Variants in DCDC1 observed in about 807,000 individuals in gnomAD.
DCDC1 encodes doublecortin domain-containing protein 1.
In DCDC1, 200 loss-of-function variants were observed where a neutral mutation model predicts 178.3. The observed-to-expected ratio is 1.12, with a 90% CI of 1.00 to 1.26. DCDC1 has a LOEUF of 1.26. DCDC1 is among the 50% of genes most tolerant of loss of function. DCDC1 has a pLI of 0.00. For synonymous variants in DCDC1, 690 were observed against 604.8 expected (o/e 1.14, Z -2.07); for missense variants, 1,983 against 1,749.2 (o/e 1.13, Z -2.38).
chr11:30,944,511 G>A (rs1410220241), intron 21 of DCDC1, among the ~76,000 whole-genome samples: 1 of 152,030 alleles, frequency 6.6e-6, no homozygotes, highest in Admixed American at 6.6e-5. Flanking sequence ...ACCAAAATAT[G>A]AATTGCATTT....
intron 12 of DCDC1, among the ~76,000 whole-genome samples, chr11:31,109,942 C>T (rs966289799): frequency 3.9e-5 from 6 of 152,114 alleles, no homozygotes; most frequent in African/African-American, 1.4e-4. Context: ...CAGGGCATAC[C>T]CTCCACTGAA....
At chr11:30,900,782 GAAAAAATAGAGATAAAAAAATC>G (rs1374273563) in intron 32 of DCDC1, among the ~76,000 whole-genome samples, 44 of 152,006 alleles carry the variant, frequency 2.9e-4, no homozygotes, top group African/African-American at 1.0e-3. Flanking sequence ...CTCTGAAATG[GAAAAAATAGAGATAAAAAAATC>G]AAGCACAGGG....
intron 8 of DCDC1, among the ~76,000 whole-genome samples, chr11:31,248,624 C>A (rs184669535): frequency 4.7e-4 from 72 of 152,108 alleles, no homozygotes; most frequent in Non-Finnish European, 9.1e-4. Context: ...ATATTACTTA[C>A]ATGTTAATGA....
chr11:30,903,759 C>A, intron 31 of DCDC1, 76 bp from the exon 32 acceptor site: 2 of 1,191,698 alleles, frequency 1.7e-6, no homozygotes, highest in Admixed American at 3.7e-5. Context: ...GCTTGTCATT[C>A]TAAAAATCTG....
chr11:31,224,763 C>T (rs577360101), intron 9 of DCDC1, among the ~76,000 whole-genome samples: 2 of 152,148 alleles, frequency 1.3e-5, no homozygotes, highest in South Asian at 4.1e-4. Flanking sequence ...AGAAAATGCT[C>T]AACATCAGTA....
chr11:31,058,178 C>T (rs1250527209), intron 20 of DCDC1, among the ~76,000 whole-genome samples: 2 of 152,110 alleles, frequency 1.3e-5, no homozygotes, highest in East Asian at 1.9e-4. Context: ...GATTGACACA[C>T]GAGTAGATCA....
chr11:31,101,530 G>T (rs1263911425), intron 15 of DCDC1, among the ~76,000 whole-genome samples: 1 of 152,102 alleles, frequency 6.6e-6, no homozygotes, highest in Non-Finnish European at 1.5e-5. Context: ...TATAGAGATA[G>T]CAGCCATCTT....
chr11:31,271,208 C>G (rs931542781), intron 7 of DCDC1, among the ~76,000 whole-genome samples: 3 of 152,194 alleles, frequency 2.0e-5, no homozygotes, highest in Non-Finnish European at 2.9e-5. Flanking sequence ...CTTATTTCTA[C>G]AGCCATCCAC....
At chr11:31,346,728 A>G (rs1950836453) in intron 1 of DCDC1, among the ~76,000 whole-genome samples, 1 of 152,170 alleles carries the variant, frequency 6.6e-6, no homozygotes, top group African/African-American at 2.4e-5. Context: ...GTACAATATG[A>G]TTGGAGTTTG....
chr11:30,947,889 A>G (rs1590488470), intron 21 of DCDC1, among the ~76,000 whole-genome samples: 2 of 152,140 alleles, frequency 1.3e-5, no homozygotes, highest in African/African-American at 4.8e-5. Context: ...AAATAACCTA[A>G]CAAAAAAAGT....
At chr11:31,177,595 G>A (rs542417796) in intron 9 of DCDC1, among the ~76,000 whole-genome samples, 10 of 152,112 alleles carry the variant, frequency 6.6e-5, no homozygotes, top group African/African-American at 2.4e-4. Flanking sequence ...ATTGAGTAAA[G>A]AAACAAGATT....
chr11:31,138,818 G>A (rs1963474226), intron 9 of DCDC1, among the ~76,000 whole-genome samples: 1 of 152,098 alleles, frequency 6.6e-6, no homozygotes, highest in African/African-American at 2.4e-5. Flanking sequence ...ATGACCTCTT[G>A]AATCTAGATG....
At chr11:30,944,448 AAT>A (rs1342417770) in intron 21 of DCDC1, 2 of 385,942 alleles carry the variant, frequency 5.2e-6, no homozygotes, top group Non-Finnish European at 1.0e-5. Context: ...TGAATGCCAC[AAT>A]ATGAGTGTCA....
rs764410332 is a variant in DCDC1 at position 31,065,055 on chromosome 11, T to A, written c.2397A>T (p.Thr799=). 5.2e-6 allele frequency: 4 copies of A among 765,060 alleles called. No individual in the cohort carries two copies. Among genetic ancestry groups the A allele is most frequent in the Non-Finnish European group, 9.6e-6 (4 of 417,338 alleles). 47.4% of individuals were successfully genotyped at this position (765,060 alleles called of 1,614,324 possible). ...AGTTTCTGCCATGTTCCTGATGAGC[T>A]GTGGTCCAGGCACCATGGTGAATGT... ...EYHIHHGAWT[T]AHQEHGRNLA... is the part of the protein sequence containing the mutation. The change falls in exon 19 of 39, where the codon ACA becomes ACT. Residue 799 remains threonine, a synonymous_variant. Transcript: ENST00000684477.
intron 6 of DCDC1, among the ~76,000 whole-genome samples, chr11:31,294,760 TAGAAAGAGAA>T (rs201651255): frequency 3.9e-4 from 30 of 76,434 alleles, no homozygotes; most frequent in East Asian, 3.5e-3. Flanking sequence ...AAGAAAGAAA[TAGAAAGAGAA>T]AGAAAGAGAA....
intron 3 of DCDC1, among the ~76,000 whole-genome samples, chr11:31,311,464 T>A (rs1449269761): frequency 2.0e-5 from 3 of 152,250 alleles, no homozygotes; most frequent in African/African-American, 7.2e-5. Flanking sequence ...CATCATACAA[T>A]TTAAATTTCT....
At chr11:31,063,921 T>A (rs1956107150) in intron 20 of DCDC1, among the ~76,000 whole-genome samples, 1 of 152,120 alleles carries the variant, frequency 6.6e-6, no homozygotes, top group African/African-American at 2.4e-5. Context: ...CAGTTTCTAA[T>A]GAAATAAAGA....
intron 6 of DCDC1, among the ~76,000 whole-genome samples, chr11:31,293,357 A>G (rs1269273522): frequency 6.6e-6 from 1 of 152,200 alleles, no homozygotes; most frequent in Non-Finnish European, 1.5e-5. Context: ...GAAATTAGAA[A>G]GAGCAAGAAA....
chr11:30,912,489 G>T (rs541738395), intron 27 of DCDC1, among the ~76,000 whole-genome samples: 5 of 151,948 alleles, frequency 3.3e-5, no homozygotes, highest in Admixed American at 2.0e-4. Context: ...TCACCATGTT[G>T]GCCAGGCTGG....
Sources: gnomAD v4.1 joint callset for allele counts (sites outside exome capture counted in the v4.1 genomes callset) on GRCh38, gnomAD v4.1.1 for gene constraint, MANE v1.5 for transcripts, NCBI Gene and HGNC (gene_info 2026-07-23, HGNC 2026-07-21) for gene names.